Variants in RALY observed in about 807,000 individuals in gnomAD.
The protein encoded by RALY is RNA-binding protein Raly.
A neutral mutation model predicts 30.7 loss-of-function variants in RALY; 15 were observed. That is an observed-to-expected ratio of 0.49 (90% confidence interval 0.33 to 0.75). The LOEUF (loss-of-function observed/expected upper bound fraction) is 0.75, where lower values mean the gene tolerates loss of function less well. RALY is among the 30% of genes least tolerant of loss of function. The pLI is 0.02. For missense variants in RALY, 339 were observed against 414.3 expected, an observed-to-expected ratio of 0.82 and a Z score of 1.58; for synonymous variants, 177 against 170.8, an observed-to-expected ratio of 1.04 and a Z score of -0.28.
At chr20:34,024,011 C>T (rs999886157) in intron 1 of RALY, among the ~76,000 whole-genome samples, 19 of 152,124 alleles carry the variant, frequency 1.2e-4, no homozygotes, top group South Asian at 2.1e-4. Context: ...CGAGACCAGC[C>T]TGGCCAACAT....
At chr20:34,016,678 A>T (rs1261647048) in intron 1 of RALY, 1 of 152,262 alleles carries the variant, frequency 6.6e-6, no homozygotes, top group Non-Finnish European at 1.5e-5. Flanking sequence ...TTCTCCACTG[A>T]AATATTAAAA....
At chr20:34,035,860 T>G (rs150309600) in intron 2 of RALY, among the ~76,000 whole-genome samples, 2 of 152,172 alleles carry the variant, frequency 1.3e-5, no homozygotes, top group African/African-American at 4.8e-5. Flanking sequence ...AAAGAAGGCC[T>G]CTCAGAAAAT....
chr20:34,024,288 A>G (rs2031937084), intron 1 of RALY, among the ~76,000 whole-genome samples: 1 of 152,184 alleles, frequency 6.6e-6, no homozygotes, highest in African/African-American at 2.4e-5. Flanking sequence ...TCTCACTTCC[A>G]GCTCAAGAGG....
At chr20:34,015,845 GCACACA>G (rs148065141) in intron 1 of RALY, among the ~76,000 whole-genome samples, 2 of 149,086 alleles carry the variant, frequency 1.3e-5, no homozygotes, top group Non-Finnish European at 3.0e-5. Context: ...TGCAACATGT[GCACACA>G]CACACACACA....
At chr20:34,075,047 G>T (rs1384502483) in intron 5 of RALY, among the ~76,000 whole-genome samples, 3 of 152,142 alleles carry the variant, frequency 2.0e-5, no homozygotes, top group African/African-American at 7.2e-5. Flanking sequence ...CTGAGTTTCT[G>T]CCTGGTCAGC....
rs185796752 is a variant in RALY at position 34,009,280 on chromosome 20, C to A, written c.-93+15149C>A. ...TTTGAGACGGAGTCTCGCTCTGTCA[C>A]CCAAGCTGGAGTCAGTGGCATGATC... is the stretch of plus-strand genomic sequence containing the variant. On this transcript the variant is annotated intron_variant, in intron 1 of 9. Transcript: ENST00000246194. Among the ~76,000 whole-genome samples, 10 of 152,064 alleles carry A rather than the reference C, an allele frequency of 6.6e-5. No homozygotes were observed. In the East Asian group the frequency reaches 1.9e-3, roughly 29 times the overall value.
At chr20:34,027,027 T>C (rs1391790061) in intron 1 of RALY, among the ~76,000 whole-genome samples, 1 of 152,048 alleles carries the variant, frequency 6.6e-6, no homozygotes, top group Non-Finnish European at 1.5e-5. Context: ...CCAAGACCCA[T>C]ATGACAGTTC....
chr20:34,070,087 C>T (rs1005456939), intron 2 of RALY, among the ~76,000 whole-genome samples: 1 of 152,104 alleles, frequency 6.6e-6, no homozygotes, highest in Admixed American at 6.5e-5. Flanking sequence ...AGTCTCTTAT[C>T]CCCTAGTGGG....
At chr20:34,075,014 CAG>C (rs1424076124) in intron 5 of RALY, among the ~76,000 whole-genome samples, 1 of 152,172 alleles carries the variant, frequency 6.6e-6, no homozygotes, top group African/African-American at 2.4e-5. Context: ...CAACAGATGT[CAG>C]AGAGACCACT....
intron 1 of RALY, among the ~76,000 whole-genome samples, chr20:33,994,639 C>A (rs2030509877): frequency 6.6e-6 from 1 of 152,212 alleles, no homozygotes; most frequent in Non-Finnish European, 1.5e-5. Flanking sequence ...GGGCTCTTTG[C>A]ACGCCTTGGG....
At chr20:34,061,026 G>A (rs2033400364) in intron 2 of RALY, among the ~76,000 whole-genome samples, 2 of 152,158 alleles carry the variant, frequency 1.3e-5, no homozygotes, top group Admixed American at 1.3e-4. Flanking sequence ...AGAGAAGACT[G>A]GTTTGTAAAC....
In RALY at chr20:34,077,031, G is replaced by T. The variant is rs1476262216; in HGVS notation, c.662G>T (p.Gly221Val). Residue 221 changes from glycine to valine, a missense_variant, in exon 8 of 10, where the codon GGC becomes GTC. Around this residue, in one of 2 missense-constraint regions of RALY, gnomAD observed 268 missense variants for 280.6 expected, o/e 0.95. Coordinates refer to ENST00000246194, the MANE Select transcript of RALY (RefSeq NM_016732.3). ...IAAEQKANPDGKKKGDGGGAG... is the reference protein window; with the variant it reads ...IAAEQKANPDVKKKGDGGGAG... ...TCCTCCACCCCTTCCCCTCAAGATG[G>T]CAAGAAGAAGGGTGATGGAGGTGGC... The T allele has an allele frequency of 2.5e-6, 4 of 1,608,396 alleles. No homozygotes were observed. Among genetic ancestry groups the T allele is most frequent in the African/African-American group, 1.3e-5 (1 of 74,124 alleles).
chr20:34,027,336 T>C (rs965135979), intron 1 of RALY, among the ~76,000 whole-genome samples: 2 of 152,178 alleles, frequency 1.3e-5, no homozygotes, highest in Non-Finnish European at 2.9e-5. Context: ...GTTACCTTGG[T>C]TGTAAAATGG....
intron 2 of RALY, among the ~76,000 whole-genome samples, chr20:34,045,058 C>T (rs1017344566): frequency 2.0e-5 from 3 of 152,018 alleles, no homozygotes; most frequent in Non-Finnish European, 2.9e-5. Context: ...TACAGGCATG[C>T]ACCACCACAC....
At chr20:34,020,981 A>G (rs183649570) in intron 1 of RALY, among the ~76,000 whole-genome samples, 363 of 151,278 alleles carry the variant, frequency 2.4e-3, no homozygotes, top group Middle Eastern at 6.8e-3. Flanking sequence ...ATTTTTTTTG[A>G]GACAGAGTCT....
intron 1 of RALY, among the ~76,000 whole-genome samples, chr20:34,006,078 C>T (rs984019867): frequency 6.6e-6 from 1 of 152,144 alleles, no homozygotes; most frequent in East Asian, 1.9e-4. Context: ...GCCGTGGTCA[C>T]GCTGCTGATA....
intron 2 of RALY, among the ~76,000 whole-genome samples, chr20:34,063,222 T>C (rs979495521): frequency 1.3e-5 from 2 of 152,182 alleles, no homozygotes; most frequent in African/African-American, 2.4e-5. Context: ...ACTCCACAAG[T>C]ATTGATGATG....
intron 1 of RALY, among the ~76,000 whole-genome samples, chr20:34,006,295 A>G (rs1271878558): frequency 6.6e-6 from 1 of 152,228 alleles, no homozygotes. Flanking sequence ...AGAAAATCTC[A>G]GCTATCATAT....
chr20:34,060,931 A>C (rs965167658), intron 2 of RALY, among the ~76,000 whole-genome samples: 3 of 152,214 alleles, frequency 2.0e-5, no homozygotes, highest in Non-Finnish European at 4.4e-5. Context: ...AGAGCTACTC[A>C]ATTTGCCCAG....
Sources: gnomAD v4.1 joint callset for allele counts (sites outside exome capture counted in the v4.1 genomes callset) on GRCh38, gnomAD v4.1.1 for gene constraint, gnomAD v4.1.1 regional missense constraint, MANE v1.5 for transcripts, NCBI Gene and HGNC (gene_info 2026-07-23, HGNC 2026-07-21) for gene names.